The following PCDHA7 variants were observed in gnomAD, a reference collection of about 807,000 sequenced individuals.
PCDHA7 encodes the protein protocadherin alpha 7.
A neutral mutation model predicts 57.2 loss-of-function variants in PCDHA7; 37 were observed. The ratio of observed to expected loss-of-function variants is 0.65; its 90% CI spans 0.50 to 0.85. PCDHA7 has a LOEUF of 0.85. PCDHA7 is among the 40% of genes least tolerant of loss of function. The probability of loss-of-function intolerance (pLI) is 0.00; values close to 1 mark genes in which losing one functional copy is unlikely to be tolerated. For missense variants in PCDHA7, 1,188 were observed against 1,241.8 expected, an observed-to-expected ratio of 0.96 and a Z score of 0.65; for synonymous variants, 553 against 558.8, an observed-to-expected ratio of 0.99 and a Z score of 0.15.
intron 1 of PCDHA7, chr5:140,857,093 G>T (rs1554149523): frequency 6.3e-7 from 1 of 1,597,336 alleles, no homozygotes; most frequent in Admixed American, 1.7e-5. Flanking sequence ...TTCACCTGAG[G>T]TGATTGTCAC....
At chr5:140,969,109 T>C (rs782731369) in intron 1 of PCDHA7, 10 of 1,614,126 alleles carry the variant, frequency 6.2e-6, no homozygotes, top group Non-Finnish European at 8.5e-6. Flanking sequence ...TCATTGAAGT[T>C]CGAGGGAATG....
At chr5:140,957,225 G>C (rs1585702621) in intron 1 of PCDHA7, among the ~76,000 whole-genome samples, 1 of 152,072 alleles carries the variant, frequency 6.6e-6, no homozygotes, top group Admixed American at 6.6e-5. Flanking sequence ...ATTTGGCGAA[G>C]CATTTTGGCA....
rs529251467 is a variant in PCDHA7 at position 140,953,424 on chromosome 5, T to C, written c.2356-25525T>C. The stretch of plus-strand genomic sequence containing the variant: ...TGTTGCTCCTGGCTCCTCCCCTTTG[T>C]CCTTAAGCTGGAGAAACTAGGGATT... On this transcript the variant is annotated intron_variant, in intron 1 of 3. Transcript: ENST00000525929. 2.6e-5 allele frequency among the ~76,000 whole-genome samples: 4 copies of C among 152,230 alleles called. No individual in the cohort carries two copies. In the East Asian group the frequency reaches 7.7e-4, roughly 29 times the overall value.
intron 1 of PCDHA7, among the ~76,000 whole-genome samples, chr5:140,940,458 C>T (rs1041159084): frequency 4.0e-5 from 6 of 151,806 alleles, no homozygotes; most frequent in African/African-American, 1.5e-4. Context: ...TTATAGGTTT[C>T]TGTTCCCTGC....
chr5:140,899,259 G>C (rs2067235630), intron 1 of PCDHA7, among the ~76,000 whole-genome samples: 1 of 152,126 alleles, frequency 6.6e-6, no homozygotes, highest in African/African-American at 2.4e-5. Context: ...GGGCATCCCT[G>C]TCTTGTGGCA....
chr5:140,948,943 A>G (rs2094326850), intron 1 of PCDHA7, among the ~76,000 whole-genome samples: 1 of 71,272 alleles, frequency 1.4e-5, no homozygotes, highest in African/African-American at 4.3e-5. Context: ...CTTCTAATAT[A>G]AAAAAATTAA....
At chr5:140,857,380 G>A (rs138042594) in intron 1 of PCDHA7, 8 of 1,598,488 alleles carry the variant, frequency 5.0e-6, no homozygotes, top group Middle Eastern at 1.7e-4. Flanking sequence ...CTGTGGAGGT[G>A]GCCGACGTGA....
intron 1 of PCDHA7, chr5:140,927,277 G>A (rs1554204290): frequency 6.2e-7 from 1 of 1,614,016 alleles, no homozygotes; most frequent in Non-Finnish European, 8.5e-7. Context: ...TGCCGGCGAC[G>A]TGCAGCTGCA....
chr5:140,884,766 T>G, intron 1 of PCDHA7: 1 of 1,416,492 alleles, frequency 7.1e-7, no homozygotes, highest in Non-Finnish European at 9.3e-7. Context: ...TTCTTTACTT[T>G]AATTTTAATT....
In PCDHA7 at chr5:140,940,501, C is replaced by T. The variant is rs542798581; in HGVS notation, c.2356-38448C>T. Among the ~76,000 whole-genome samples, 272 of 152,010 alleles carry T rather than the reference C, an allele frequency of 1.8e-3. 2 individuals are homozygous for T. The highest frequency in any genetic ancestry group is 6.1e-3 in the African/African-American group (254 of 41,464). Reference sequence around the variant, plus strand: ...TTTTTCAAGACAAGTCTTGCTCCGTCGCTCAGGCGTGATCATAGCTCACTG... The same window carrying T: ...TTTTTCAAGACAAGTCTTGCTCCGTTGCTCAGGCGTGATCATAGCTCACTG... On this transcript the variant is annotated intron_variant, in intron 1 of 3. Coordinates refer to ENST00000525929, the MANE Select transcript of PCDHA7 (RefSeq NM_018910.3).
At chr5:140,933,133 G>T (rs782720038) in intron 1 of PCDHA7, among the ~76,000 whole-genome samples, 1 of 151,914 alleles carries the variant, frequency 6.6e-6, no homozygotes, top group Non-Finnish European at 1.5e-5. Context: ...AATAATAAAG[G>T]TAGATAGCCA....
At chr5:140,878,153 A>G (rs554763085) in intron 1 of PCDHA7, 21 of 178,230 alleles carry the variant, frequency 1.2e-4, no homozygotes, top group Non-Finnish European at 2.3e-4. Context: ...TGATAACTTA[A>G]AAATTTAATT....
intron 1 of PCDHA7, among the ~76,000 whole-genome samples, chr5:140,902,390 A>G (rs1051277099): frequency 2.6e-5 from 4 of 151,960 alleles, no homozygotes; most frequent in Admixed American, 1.3e-4. Flanking sequence ...TAAGAGTACT[A>G]TGTTGAATAC....
intron 1 of PCDHA7, chr5:140,870,624 G>T (rs1554164487): frequency 1.2e-6 from 2 of 1,613,112 alleles, no homozygotes; most frequent in South Asian, 2.2e-5. Flanking sequence ...CGAGCTACGT[G>T]TCGGTGCACG....
At chr5:141,001,216 G>T (rs938133871) in intron 3 of PCDHA7, among the ~76,000 whole-genome samples, 1 of 152,082 alleles carries the variant, frequency 6.6e-6, no homozygotes, top group Non-Finnish European at 1.5e-5. Context: ...GCTGTATAAG[G>T]ATAGTTACAT....
chr5:140,919,505 CTA>C (rs2079156587), intron 1 of PCDHA7, among the ~76,000 whole-genome samples: 3 of 152,008 alleles, frequency 2.0e-5, no homozygotes, highest in Admixed American at 6.6e-5. Context: ...ACTCCTTTTT[CTA>C]TATGTTTTAA....
At chr5:140,965,490 C>G (rs115003344) in intron 1 of PCDHA7, among the ~76,000 whole-genome samples, 2,488 of 148,960 alleles carry the variant, frequency 0.017, 68 homozygotes, top group African/African-American at 0.057. Context: ...TGCTTAATGA[C>G]AGCAGATTTT....
At chr5:140,927,533 C>T in intron 1 of PCDHA7, 1 of 1,614,102 alleles carries the variant, frequency 6.2e-7, no homozygotes, top group Non-Finnish European at 8.5e-7. Flanking sequence ...CCTGCCCGCT[C>T]AGGAGACGCA....
intron 1 of PCDHA7, chr5:140,865,597 G>A (rs1391602074): frequency 6.6e-6 from 1 of 152,154 alleles, no homozygotes; most frequent in Non-Finnish European, 1.5e-5. Context: ...CATTGTTTGA[G>A]CAGTTTATTA....
Sources: gnomAD v4.1 joint callset for allele counts (sites outside exome capture counted in the v4.1 genomes callset) on GRCh38, gnomAD v4.1.1 for gene constraint, MANE v1.5 for transcripts, NCBI Gene and HGNC (gene_info 2026-07-23, HGNC 2026-07-21) for gene names.